The following ADCY8 variants were observed in gnomAD, a reference collection of about 807,000 sequenced individuals.
The protein encoded by ADCY8 is adenylate cyclase type 8.
A neutral mutation model predicts 119.7 loss-of-function variants in ADCY8; 51 were observed. That is an observed-to-expected ratio of 0.43 (90% CI 0.34 to 0.54). The LOEUF is 0.54. Among genes scored for constraint, ADCY8 ranks in the 20% least tolerant of loss-of-function variants. The pLI is 0.03. For missense variants in ADCY8, 1,383 were observed against 1,598.8 expected (o/e 0.87, Z 2.30); for synonymous variants, 665 against 651.0 (o/e 1.02, Z -0.33).
intron 1 of ADCY8, among the ~76,000 whole-genome samples, chr8:131,014,883 C>T (rs917698124): frequency 6.6e-6 from 1 of 152,096 alleles, no homozygotes; most frequent in African/African-American, 2.4e-5. Flanking sequence ...CTCATCTATA[C>T]CATCTGTTCT....
At chr8:130,810,347 T>TACACACACAC (rs58781726) in intron 14 of ADCY8, among the ~76,000 whole-genome samples, 1,688 of 142,706 alleles carry the variant, frequency 0.012, 20 homozygotes, top group South Asian at 0.04. Context: ...TCTCTTTTTC[T>TACACACACAC]ACACACACAC....
At position 130,814,322 on chromosome 8, in the gene ADCY8, G is replaced by T. The variant is rs1486056344; in HGVS notation, c.2755-95C>A. 1.3e-5 allele frequency: 17 copies of T among 1,329,328 alleles called. No homozygotes were observed. The Admixed American group carries it at 2.0e-4, about 16-fold the overall frequency. The allele number at this position is 1,329,328 out of a possible 1,614,324, so 82.3% of individuals were successfully genotyped here. A position where few individuals can be genotyped will look rare whatever the true frequency, so the allele number is the denominator to read the frequency against. Reference sequence around the variant, plus strand: ...CTGGGAGGCAGGAAAGGCTTCTCTGGAACTCTTCACAAATGAAACAGAGCC... The same window carrying T: ...CTGGGAGGCAGGAAAGGCTTCTCTGTAACTCTTCACAAATGAAACAGAGCC... On this transcript the variant is annotated intron_variant, in intron 13 of 17. Transcript: ENST00000286355.
rs180988469 is a variant in ADCY8 at position 130,824,105 on chromosome 8, T to C, written c.2676-2685A>G. 6.6e-5 allele frequency among the ~76,000 whole-genome samples: 10 copies of C among 152,266 alleles called. No homozygotes were observed. The East Asian group carries it at 1.5e-3, about 23-fold the overall frequency. Reference sequence around the variant, plus strand: ...GTGTCAGAGCCAGGATGAGAACTCATAGCTCAGGCACCAAATTCAGCATGT... The same window carrying C: ...GTGTCAGAGCCAGGATGAGAACTCACAGCTCAGGCACCAAATTCAGCATGT... On this transcript the variant is annotated intron_variant, in intron 12 of 17. Coordinates refer to ENST00000286355, the MANE Select transcript of ADCY8 (RefSeq NM_001115.3).
At chr8:130,926,998 G>A (rs887803017) in intron 5 of ADCY8, among the ~76,000 whole-genome samples, 1 of 148,928 alleles carries the variant, frequency 6.7e-6, no homozygotes, top group African/African-American at 2.6e-5. Context: ...TTCATCCATT[G>A]ATGGACATTC....
chr8:130,799,303 G>A (rs544871320), intron 15 of ADCY8, among the ~76,000 whole-genome samples: 3 of 152,202 alleles, frequency 2.0e-5, no homozygotes, highest in South Asian at 2.1e-4. Context: ...GCACAAAAAC[G>A]TTGTAAGATG....
At chr8:131,014,235 G>A (rs1823399119) in intron 1 of ADCY8, among the ~76,000 whole-genome samples, 1 of 152,068 alleles carries the variant, frequency 6.6e-6, no homozygotes, top group Non-Finnish European at 1.5e-5. Context: ...GTTTACCCTT[G>A]CTTTTTCAAA....
chr8:130,945,292 T>A lies in ADCY8; in HGVS notation c.1242-1830A>T, dbSNP rs73348508. On this transcript the variant is annotated intron_variant, in intron 3 of 17. Coordinates refer to ENST00000286355, the MANE Select transcript of ADCY8 (RefSeq NM_001115.3). ...TGTCCTGAAAGTGATGGAAAGCTAGTGAATGGGATTTAAGCATGGACATGA... is the reference window on the plus strand; with the variant it reads ...TGTCCTGAAAGTGATGGAAAGCTAGAGAATGGGATTTAAGCATGGACATGA... 1.6e-3 allele frequency among the ~76,000 whole-genome samples: 242 copies of A among 152,320 alleles called. 2 individuals are homozygous for A. The highest frequency in any genetic ancestry group is 5.8e-3 in the African/African-American group (241 of 41,582).
At chr8:130,931,567 C>G (rs1370264406) in intron 5 of ADCY8, among the ~76,000 whole-genome samples, 2 of 152,076 alleles carry the variant, frequency 1.3e-5, no homozygotes, top group Admixed American at 1.3e-4. Context: ...TTCTAAAGCC[C>G]CCATGACTTG....
At chr8:130,865,243 G>C (rs1818075200) in intron 9 of ADCY8, among the ~76,000 whole-genome samples, 1 of 152,056 alleles carries the variant, frequency 6.6e-6, no homozygotes, top group South Asian at 2.1e-4. Flanking sequence ...CTTAAAAAAT[G>C]ATGTTCTTTC....
At chr8:130,996,687 A>G (rs569136655) in intron 1 of ADCY8, among the ~76,000 whole-genome samples, 121 of 152,274 alleles carry the variant, frequency 7.9e-4, no homozygotes, top group African/African-American at 2.6e-3. Flanking sequence ...ATAAATGCCA[A>G]TGGATTAGAG....
chr8:130,867,954 T>TA lies in ADCY8; in HGVS notation c.2110-9dup. ...ATCCCTCATTTGAGAATACTGTAAT[T>TA]AAAAAAAGAGAGAATGAGTTACTTT... On this transcript the variant is annotated splice_polypyrimidine_tract_variant and intron_variant, in intron 8 of 17. Coordinates refer to ENST00000286355, the MANE Select transcript of ADCY8 (RefSeq NM_001115.3). 1.3e-6 allele frequency: 2 copies of TA among 1,589,598 alleles called. No homozygotes were observed. The highest frequency in any genetic ancestry group is 1.7e-6 in the Non-Finnish European group (2 of 1,162,368).
At chr8:130,885,231 T>G (rs1385802801) in intron 7 of ADCY8, among the ~76,000 whole-genome samples, 1 of 152,068 alleles carries the variant, frequency 6.6e-6, no homozygotes, top group Admixed American at 6.6e-5. Flanking sequence ...GCATTTTTTT[T>G]TTTTTTAGCA....
intron 10 of ADCY8, among the ~76,000 whole-genome samples, chr8:130,849,367 A>G (rs1817438607): frequency 6.6e-6 from 1 of 152,066 alleles, no homozygotes; most frequent in Non-Finnish European, 1.5e-5. Context: ...GGCTTTTGGA[A>G]CTCCTTTGGA....
intron 8 of ADCY8, among the ~76,000 whole-genome samples, chr8:130,882,015 A>T (rs1248636672): frequency 6.6e-6 from 1 of 151,754 alleles, no homozygotes; most frequent in Non-Finnish European, 1.5e-5. Context: ...GGGTTGTCCC[A>T]CTAGCCCCTC....
intron 6 of ADCY8, among the ~76,000 whole-genome samples, chr8:130,909,209 C>T (rs1273482842): frequency 2.6e-5 from 4 of 152,162 alleles, no homozygotes; most frequent in Non-Finnish European, 5.9e-5. Context: ...CCACTAGCAC[C>T]TTTGGGGATC....
chr8:130,782,189 C>A (rs1509859), intron 17 of ADCY8, among the ~76,000 whole-genome samples: 92,813 of 151,796 alleles, frequency 0.61, 29,224 homozygotes, highest in African/African-American at 0.73. Flanking sequence ...GAGGCAAAAG[C>A]AAGACACGTA....
At chr8:130,907,108 A>G (rs921478231) in intron 6 of ADCY8, among the ~76,000 whole-genome samples, 1 of 152,142 alleles carries the variant, frequency 6.6e-6, no homozygotes, top group African/African-American at 2.4e-5. Context: ...AGGACTTTAT[A>G]TGCATTATTT....
intron 6 of ADCY8, 68 bp from the exon 7 acceptor site, chr8:130,904,110 C>T: frequency 1.4e-6 from 2 of 1,473,458 alleles, no homozygotes; most frequent in Non-Finnish European, 9.1e-7. Context: ...TTTTTTTGAC[C>T]TGTACAAAAC....
rs143864633 is a variant in ADCY8, at chr8:130,836,386, C to T, written c.2566G>A (p.Val856Ile). 193 of 1,613,936 alleles carry T rather than the reference C, an allele frequency of 1.2e-4. No homozygotes were observed. Among genetic ancestry groups the T allele is most frequent in the South Asian group, 3.7e-4 (34 of 91,072 alleles). Residue 856 changes from valine (V) to isoleucine (I), a missense_variant, in exon 12 of 18, where the codon GTC becomes ATC. This residue lies in a region of ADCY8 where 928 missense variants were observed against 1,163.5 expected (regional missense o/e 0.80). Coordinates refer to ENST00000286355, the MANE Select transcript of ADCY8 (RefSeq NM_001115.3). ...ATCAGCAGCACTGCCAGCTTCAGGA[C>T]GGAGTTCAGCCGGAGGAAAACTGCA... ...TCAVFLRLNS[V>I]LKLAVLLIMI...
Sources: allele counts gnomAD v4.1 joint callset (sites outside exome capture counted in the v4.1 genomes callset), GRCh38; gene constraint gnomAD v4.1.1; regional missense constraint gnomAD v4.1.1; transcripts MANE v1.5; gene names NCBI Gene and HGNC (gene_info 2026-07-23, HGNC 2026-07-21).